CACNA2D3: variants seen among roughly 807,000 people sequenced by gnomAD.
CACNA2D3 encodes calcium voltage-gated channel auxiliary subunit alpha2delta 3.
In CACNA2D3, 60 loss-of-function variants were observed where a neutral mutation model predicts 160.6. The ratio of observed to expected loss-of-function variants is 0.37; its 90% confidence interval spans 0.30 to 0.46. The LOEUF (loss-of-function observed/expected upper bound fraction) is 0.46. Ranked by LOEUF, CACNA2D3 falls within the 20% of genes least tolerant of loss-of-function variation. The pLI is 1.00. For missense variants in CACNA2D3, 1,205 were observed against 1,365.0 expected, an observed-to-expected ratio of 0.88 and a Z score of 1.85; for synonymous variants, 558 against 492.9, an observed-to-expected ratio of 1.13 and a Z score of -1.75.
intron 35 of CACNA2D3, among the ~76,000 whole-genome samples, chr3:55,018,858 G>A (rs569004390): frequency 6.6e-6 from 1 of 150,772 alleles, no homozygotes; most frequent in East Asian, 2.0e-4. Context: ...TGATTTGGGT[G>A]TTCTTTCTCT....
chr3:54,122,904 G>T, intron 1 of CACNA2D3, 69 bp downstream of exon 1: 2 of 1,185,634 alleles, frequency 1.7e-6, no homozygotes, highest in Non-Finnish European at 2.1e-6. Context: ...GCCCAAGTTT[G>T]GGCGCCTGCA....
chr3:55,035,112 C>A (rs137996360), intron 35 of CACNA2D3, among the ~76,000 whole-genome samples: 235 of 152,232 alleles, frequency 1.5e-3, no homozygotes, highest in African/African-American at 5.3e-3. Flanking sequence ...GCCTAAGAGG[C>A]CTCCGCTTTT....
chr3:54,716,052 C>A (rs577851670), intron 11 of CACNA2D3, among the ~76,000 whole-genome samples: 2 of 128,834 alleles, frequency 1.6e-5, no homozygotes, highest in Non-Finnish European at 3.3e-5. Context: ...TATATCAAAT[C>A]ATCACATTGC....
chr3:54,685,706 G>C (rs961164841), intron 11 of CACNA2D3, among the ~76,000 whole-genome samples: 2 of 152,192 alleles, frequency 1.3e-5, no homozygotes, highest in Admixed American at 1.3e-4. Context: ...CCTAGTAACT[G>C]TTCATGGCTA....
At chr3:54,570,761 G>A (rs1342444782) in intron 8 of CACNA2D3, among the ~76,000 whole-genome samples, 14 of 152,102 alleles carry the variant, frequency 9.2e-5, no homozygotes, top group Non-Finnish European at 4.4e-5. Flanking sequence ...CAGGTCACAA[G>A]GCTGGCAAAT....
intron 35 of CACNA2D3, among the ~76,000 whole-genome samples, chr3:55,069,868 A>T (rs1217184128): frequency 2.6e-5 from 4 of 152,246 alleles, no homozygotes; most frequent in African/African-American, 9.6e-5. Flanking sequence ...TCACCAAAAA[A>T]TGTTGAAAAT....
chr3:54,712,371 A>G lies in CACNA2D3; in HGVS notation c.1168-40228A>G, dbSNP rs1053983104. Reference sequence around the variant, plus strand: ...ATATGGTTTGGCTGTGTCCCCACCCATCTTGAATTGTAACTCCCACAATTC... The same window carrying G: ...ATATGGTTTGGCTGTGTCCCCACCCGTCTTGAATTGTAACTCCCACAATTC... On this transcript the variant is annotated intron_variant, in intron 11 of 37. Transcript: ENST00000474759. Among the ~76,000 whole-genome samples, 5 of 152,140 alleles carry G rather than the reference A, an allele frequency of 3.3e-5. No homozygotes were observed. The South Asian group carries it at 6.2e-4, about 19-fold the overall frequency.
rs189700981 is a variant in CACNA2D3 at position 54,237,133 on chromosome 3, C to T, written c.205-83309C>T. ...TTTCAAGGGTAGGAGGACATTCTTC[C>T]CCTACAAAGTGTCTGTTATTAACAC... is the stretch of plus-strand genomic sequence containing the variant. On this transcript the variant is annotated intron_variant, in intron 2 of 37. Coordinates refer to ENST00000474759, the MANE Select transcript of CACNA2D3 (RefSeq NM_018398.3). 1.5e-3 allele frequency among the ~76,000 whole-genome samples: 226 copies of T among 152,030 alleles called. 1 individual carries two copies. The highest frequency in any genetic ancestry group is 2.7e-3 in the Admixed American group (41 of 15,264).
chr3:54,550,497 A>G (rs921786318), intron 5 of CACNA2D3, among the ~76,000 whole-genome samples: 2 of 152,084 alleles, frequency 1.3e-5, no homozygotes, highest in African/African-American at 4.8e-5. Context: ...CAAGGATACC[A>G]CTTCCCTATG....
At chr3:54,928,790 G>A (rs1237950410) in intron 27 of CACNA2D3, among the ~76,000 whole-genome samples, 1 of 149,744 alleles carries the variant, frequency 6.7e-6, no homozygotes, top group Non-Finnish European at 1.5e-5. Flanking sequence ...TCGTTTCCCT[G>A]ATGCTGAGGT....
chr3:54,755,102 C>T (rs1701947111), intron 12 of CACNA2D3, among the ~76,000 whole-genome samples: 1 of 152,224 alleles, frequency 6.6e-6, no homozygotes, highest in Non-Finnish European at 1.5e-5. Context: ...ATCCACGCAA[C>T]AATACTGTGG....
intron 13 of CACNA2D3, among the ~76,000 whole-genome samples, chr3:54,814,426 C>A (rs919111081): frequency 2.6e-5 from 4 of 152,162 alleles, no homozygotes; most frequent in African/African-American, 7.2e-5. Context: ...CTGGTCTGGC[C>A]CCTAGGGCAG....
chr3:54,517,527 G>C (rs1205154793), intron 5 of CACNA2D3, among the ~76,000 whole-genome samples: 1 of 152,202 alleles, frequency 6.6e-6, no homozygotes, highest in East Asian at 1.9e-4. Flanking sequence ...CAGCATCGCA[G>C]ACCACAGGCT....
intron 4 of CACNA2D3, among the ~76,000 whole-genome samples, chr3:54,476,796 T>C (rs1209642603): frequency 2.6e-5 from 4 of 152,252 alleles, no homozygotes; most frequent in Non-Finnish European, 1.5e-5. Context: ...TTCTTATCTA[T>C]CTTGGGTATT....
At position 54,725,058 on chromosome 3, in the gene CACNA2D3, C is replaced by G. The variant is rs145499400; in HGVS notation, c.1168-27541C>G. Among the ~76,000 whole-genome samples, 325 of 152,124 alleles carry G rather than the reference C, an allele frequency of 2.1e-3. 1 individual carries two copies. The highest frequency in any genetic ancestry group is 7.3e-3 in the African/African-American group (304 of 41,498). On this transcript the variant is annotated intron_variant, in intron 11 of 37. Coordinates refer to ENST00000474759, the MANE Select transcript of CACNA2D3 (RefSeq NM_018398.3). ...AAAAGAGAGAAGAATCAAATAGATG[C>G]AATAAAAAATGATATAGGGGATATC...
intron 2 of CACNA2D3, among the ~76,000 whole-genome samples, chr3:54,265,125 G>C (rs1702476016): frequency 6.6e-6 from 1 of 152,232 alleles, no homozygotes; most frequent in Non-Finnish European, 1.5e-5. Context: ...GGGTCAAATG[G>C]TATTTCTGGT....
chr3:54,945,062 C>A (rs982881483), intron 27 of CACNA2D3, among the ~76,000 whole-genome samples: 1 of 152,042 alleles, frequency 6.6e-6, no homozygotes, highest in Non-Finnish European at 1.5e-5. Context: ...AATTCTAGGC[C>A]TTGTTTGGGG....
intron 2 of CACNA2D3, among the ~76,000 whole-genome samples, chr3:54,151,137 A>G (rs1559863862): frequency 2.0e-5 from 3 of 150,834 alleles, no homozygotes; most frequent in African/African-American, 7.3e-5. Context: ...GTGGATGGAC[A>G]GATAGATGAA....
At chr3:54,318,872 CA>C (rs895198154) in intron 2 of CACNA2D3, among the ~76,000 whole-genome samples, 6 of 151,420 alleles carry the variant, frequency 4.0e-5, no homozygotes, top group African/African-American at 1.2e-4. Context: ...TAAAAACAAA[CA>C]AAAAAAAATT....
Sources: gnomAD v4.1 joint callset for allele counts (sites outside exome capture counted in the v4.1 genomes callset) on GRCh38, gnomAD v4.1.1 for gene constraint, MANE v1.5 for transcripts, NCBI Gene and HGNC (gene_info 2026-07-23, HGNC 2026-07-21) for gene names.